Variants in PROM2 observed in about 807,000 individuals in gnomAD.
The protein encoded by PROM2 is prominin 2.
In PROM2, 90 loss-of-function variants were observed where a neutral mutation model predicts 110.2. The ratio of observed to expected loss-of-function variants is 0.82; its 90% CI spans 0.69 to 0.97. The LOEUF (loss-of-function observed/expected upper bound fraction) is 0.97. Among genes scored for constraint, PROM2 ranks in the 50% least tolerant of loss-of-function variants. PROM2 has a pLI of 0.00. For missense variants in PROM2, 1,009 were observed against 1,074.8 expected (o/e 0.94, Z 0.86); for synonymous variants, 470 against 467.8 (o/e 1.00, Z -0.06).
chr2:95,274,645 G>C lies in PROM2; in HGVS notation c.60G>C (p.Leu20=), dbSNP rs201917939. Residue 20 remains leucine, a synonymous_variant, in exon 1 of 24, where the codon CTG becomes CTC. Coordinates refer to ENST00000317620, the MANE Select transcript of PROM2 (RefSeq NM_001165978.3). ...TGGGCCTGGGCCTGGGGCTGGCCCT[G>C]AGTCAGCTGGCTGCAGGGGCCACAG... is the stretch of plus-strand genomic sequence containing the variant. ...PLLGLGLGLA[L]SQLAAGATDC... 3 of 1,609,848 alleles carry C rather than the reference G, an allele frequency of 1.9e-6. No individual in the cohort carries two copies. In the African/African-American group the frequency reaches 4.0e-5, roughly 21 times the overall value.
At position 95,282,016 on chromosome 2, in the gene PROM2, AG is replaced by A; in HGVS notation, c.1643+1del. On this transcript the variant is annotated splice_donor_variant, in intron 13 of 23. Transcript: ENST00000317620. LOFTEE classifies it high-confidence loss of function. Reference sequence around the variant, plus strand: ...AACATCAGCATCCACCAAGCCTATCAGTGAGTGGACAGCCTGGGCAGAGCTG... The same window carrying A: ...AACATCAGCATCCACCAAGCCTATCATGAGTGGACAGCCTGGGCAGAGCTG... 1 of 1,613,992 alleles carries A rather than the reference AG, an allele frequency of 6.2e-7. No individual in the cohort carries two copies. Among genetic ancestry groups the A allele is most frequent in the African/African-American group, 1.3e-5 (1 of 75,028 alleles).
rs766857079 is a variant in PROM2 at position 95,276,082 on chromosome 2, T to C, written c.447T>C (p.Cys149=). Residue 149 remains cysteine, a synonymous_variant, in exon 3 of 24, where the codon TGT becomes TGC. Coordinates refer to ENST00000317620, the MANE Select transcript of PROM2 (RefSeq NM_001165978.3). The surrounding 1 kb of genome is among the most constrained non-coding windows in gnomAD (Gnocchi z 4.6). ...AGACAGAGCACAAGGCGCTGGCCTG[T>C]GAGCGCGCGGCCCTCATGGTCTTCC... ...RVKTEHKALA[C]ERAALMVFLL... The C allele has an allele frequency of 9.9e-6, 16 of 1,611,150 alleles. No individual in the cohort carries two copies. Among genetic ancestry groups the C allele is most frequent in the Middle Eastern group, 1.6e-4 (1 of 6,082 alleles).
chr2:95,276,644 A>C lies in PROM2; in HGVS notation c.669A>C (p.Ser223=). The change falls in exon 5 of 24, where the codon TCA becomes TCC. Residue 223 remains serine, a synonymous_variant. Coordinates refer to ENST00000317620, the MANE Select transcript of PROM2 (RefSeq NM_001165978.3). The surrounding 1 kb of genome is among the most constrained non-coding windows in gnomAD (Gnocchi z 4.6). The stretch of plus-strand genomic sequence containing the variant: ...TCTCCCTGCCCCAGGAGCAAGTCTC[A>C]GAGGAGCTGGATGGTGAGGGTCTCG... ...QQFSLPQEQV[S]EELDGVGVSI... 1 of 1,612,878 alleles carries C rather than the reference A, an allele frequency of 6.2e-7. No individual in the cohort carries two copies. The highest frequency in any genetic ancestry group is 8.5e-7 in the Non-Finnish European group (1 of 1,179,838).
chr2:95,285,710 A>G lies in PROM2; in HGVS notation c.1947A>G (p.Gln649=). 1 of 1,595,994 alleles carries G rather than the reference A, an allele frequency of 6.3e-7. No individual in the cohort carries two copies. Residue 649 remains glutamine, a splice_region_variant and synonymous_variant, in exon 16 of 24, where the codon CAA becomes CAG. Coordinates refer to ENST00000317620, the MANE Select transcript of PROM2 (RefSeq NM_001165978.3). ...AQELQGLAQA[Q]DNSVLGQRLQ... is the part of the protein sequence containing the mutation. Reference sequence around the variant, plus strand: ...AGCTGCAAGGACTGGCCCAGGCCCAAGTGAGTGGGAAACAGGGCCCCGACT... The same window carrying G: ...AGCTGCAAGGACTGGCCCAGGCCCAGGTGAGTGGGAAACAGGGCCCCGACT...
rs775576750 is a variant in PROM2, at chr2:95,282,162, C to T, written c.1664C>T (p.Ala555Val). ...CTCAGGCAGTGCAAGGAAGGGGCAG[C>T]GCTCTGGACAGTCCTGCAGCTCAAC... ...QAYQQCKEGA[A>V]LWTVLQLNDS... The change falls in exon 14 of 24, where the codon GCG (alanine) becomes GTG (valine). Residue 555 changes from alanine (A) to valine (V), a missense_variant. Coordinates refer to ENST00000317620, the MANE Select transcript of PROM2 (RefSeq NM_001165978.3). 1.9e-5 allele frequency: 30 copies of T among 1,613,668 alleles called. No individual in the cohort carries two copies. The highest frequency in any genetic ancestry group is 2.2e-5 in the Non-Finnish European group (26 of 1,179,910).
chr2:95,278,831 C>A (rs1398600350), intron 9 of PROM2, 47 bp downstream of exon 9: 8 of 1,611,804 alleles, frequency 5.0e-6, no homozygotes, highest in Non-Finnish European at 6.8e-6. Context: ...GGCTTCCCAC[C>A]CCACCCCTAC....
chr2:95,285,011 G>A lies in PROM2; in HGVS notation c.1771G>A (p.Asp591Asn), dbSNP rs1198951909. 3 of 1,607,648 alleles carry A rather than the reference G, an allele frequency of 1.9e-6. No individual in the cohort carries two copies. The highest frequency in any genetic ancestry group is 2.5e-6 in the Non-Finnish European group (3 of 1,176,860). ...LRQELQSLKVDTQSLDLLSSA... is the reference protein window; with the variant it reads ...LRQELQSLKVNTQSLDLLSSA... ...GCAGGAGTTGCAGAGCCTGAAAGTA[G>A]ACACACAGAGCCTGGACCTGCTGAG... The change falls in exon 15 of 24, where the codon GAC becomes AAC. Residue 591 changes from aspartate (D) to asparagine (N), a missense_variant. Transcript: ENST00000317620.
In PROM2 at chr2:95,281,009, C is replaced by G. The variant is rs369760414; in HGVS notation, c.1428-233C>G. On this transcript the variant is annotated intron_variant, in intron 11 of 23. Transcript: ENST00000317620. ...TCTCCTCTAGGCTGCCAGGGCCAGCCAGGGAACCAGGAACAGGGTGGGGAT... is the reference window on the plus strand; with the variant it reads ...TCTCCTCTAGGCTGCCAGGGCCAGCGAGGGAACCAGGAACAGGGTGGGGAT... 2.0e-5 allele frequency among the ~76,000 whole-genome samples: 3 copies of G among 152,318 alleles called. No individual in the cohort carries two copies. In the East Asian group the frequency reaches 5.8e-4, roughly 29 times the overall value.
intron 11 of PROM2, 37 bp from the exon 12 acceptor site, chr2:95,281,205 C>T (rs1424145051): frequency 6.2e-7 from 1 of 1,605,030 alleles, no homozygotes; most frequent in South Asian, 1.1e-5. Flanking sequence ...GCAGCCAGTC[C>T]CTGCTGTCCC....
chr2:95,284,517 A>G (rs1447300405), intron 14 of PROM2, among the ~76,000 whole-genome samples: 1 of 152,094 alleles, frequency 6.6e-6, no homozygotes, highest in Non-Finnish European at 1.5e-5. Context: ...AAAAAAAGCA[A>G]TACCTGAGGC....
At chr2:95,274,932 C>A in intron 1 of PROM2, 103 bp downstream of exon 1, 1 of 1,392,384 alleles carries the variant, frequency 7.2e-7, no homozygotes, top group Non-Finnish European at 9.5e-7. Flanking sequence ...CAAGCAGGCA[C>A]TTGCCATCTT....
rs1483158507 is a variant in PROM2 at position 95,289,303 on chromosome 2, G to A, written c.*90G>A. 1.1e-5 allele frequency: 5 copies of A among 457,144 alleles called. No homozygotes were observed. The highest frequency in any genetic ancestry group is 2.0e-5 in the Non-Finnish European group (5 of 247,480). The allele number at this position is 457,144 out of a possible 1,614,324, so 28.3% of individuals were successfully genotyped here. On this transcript the variant is annotated 3_prime_UTR_variant, in exon 24 of 24. Transcript: ENST00000317620. Reference sequence around the variant, plus strand: ...GGACTTCGGTAGCTCTTGCCCCAGAGCCCAGGCTGGCATCCAGGCCTGGAC... The same window carrying A: ...GGACTTCGGTAGCTCTTGCCCCAGAACCCAGGCTGGCATCCAGGCCTGGAC...
In PROM2 at chr2:95,275,731, C is replaced by T; in HGVS notation, c.295-199C>T. ...CAGTGAGGTTTGCAGGGAGCTGGAA[C>T]TTCCTGAACTTCAGCTTCCTCCTGT... On this transcript the variant is annotated intron_variant, in intron 2 of 23. Transcript: ENST00000317620. The surrounding 1 kb of genome is among the most constrained non-coding windows in gnomAD (Gnocchi z 4.4). 2 of 1,447,410 alleles carry T rather than the reference C, an allele frequency of 1.4e-6. No homozygotes were observed. Among genetic ancestry groups the T allele is most frequent in the Admixed American group, 2.5e-5 (1 of 40,104 alleles). 89.7% of individuals were successfully genotyped at this position (1,447,410 alleles called of 1,614,324 possible). A position where few individuals can be genotyped will look rare whatever the true frequency, so the allele number is the denominator to read the frequency against.
Position 95,276,314 on chromosome 2 carries a change from C to G in PROM2, c.585C>G (p.Leu195=). Residue 195 remains leucine, a synonymous_variant, in exon 4 of 24, where the codon CTC becomes CTG. Transcript: ENST00000317620. The surrounding 1 kb of genome is among the most constrained non-coding windows in gnomAD (Gnocchi z 4.6). ...TCGAGGCCATGCCTGAGACCCTGCT[C>G]AGCCTCTGGGGCCTGGTCTCTGATG... The part of the protein sequence containing the change: ...PSIEAMPETL[L]SLWGLVSDVP... The G allele has an allele frequency of 6.2e-7, 1 of 1,613,752 alleles. No individual in the cohort carries two copies. The highest frequency in any genetic ancestry group is 8.5e-7 in the Non-Finnish European group (1 of 1,180,038).
intron 17 of PROM2, 56 bp from the exon 18 acceptor site, chr2:95,286,748 C>G (rs1199844849): frequency 7.7e-6 from 11 of 1,427,374 alleles, no homozygotes; most frequent in Admixed American, 1.7e-5. Flanking sequence ...TTCCTCCCCT[C>G]TCCTCCCTCC....
At position 95,276,783 on chromosome 2, in the gene PROM2, C is replaced by A; in HGVS notation, c.682+126C>A. 1 of 1,215,796 alleles carries A rather than the reference C, an allele frequency of 8.2e-7. No homozygotes were observed. The highest frequency in any genetic ancestry group is 1.2e-6 in the Non-Finnish European group (1 of 846,604). The allele number at this position is 1,215,796 out of a possible 1,614,324, so 75.3% of individuals were successfully genotyped here. On this transcript the variant is annotated intron_variant, in intron 5 of 23. Transcript: ENST00000317620. This position sits in a 1 kb window ranked among gnomAD's most constrained non-coding sequence, Gnocchi z 4.6. ...GGAACAGGCTGGTAGAGGTGGGGAT[C>A]AGGCCGGCTGGAGAGCAAGAGTGGC...
rs1445786481 is a variant in PROM2 at position 95,286,700 on chromosome 2, C to CT, written c.2041-104_2041-103insT. 7.2e-5 allele frequency: 52 copies of CT among 724,370 alleles called. 1 individual carries two copies. The Middle Eastern group carries it at 1.0e-3, about 14-fold the overall frequency. 44.9% of individuals were successfully genotyped at this position (724,370 alleles called of 1,614,324 possible). On this transcript the variant is annotated intron_variant, in intron 17 of 23. Transcript: ENST00000317620. Reference sequence around the variant, plus strand: ...TCTCCCCTCCTCTCCCCTCCTCTCCCCTCCTCTCCCCTCCCCTCCCCTCCA... The same window carrying CT: ...TCTCCCCTCCTCTCCCCTCCTCTCCCTCTCCTCTCCCCTCCCCTCCCCTCCA...
At chr2:95,289,040 G>A in intron 23 of PROM2, 34 bp downstream of exon 23, 1 of 1,318,926 alleles carries the variant, frequency 7.6e-7, no homozygotes, top group Non-Finnish European at 1.1e-6. Context: ...ATTGCTCCCT[G>A]CCAGGGATTA....
intron 14 of PROM2, among the ~76,000 whole-genome samples, chr2:95,283,790 C>CATTCATTA (rs1677186111): frequency 1.3e-5 from 2 of 152,140 alleles, no homozygotes; most frequent in Non-Finnish European, 2.9e-5. Context: ...TTCATTCATT[C>CATTCATTA]ATTCATTCAT....
Sources: allele counts gnomAD v4.1 joint callset (sites outside exome capture counted in the v4.1 genomes callset), GRCh38; gene constraint gnomAD v4.1.1; non-coding constraint Gnocchi (gnomAD v3.1); transcripts MANE v1.5; gene names NCBI Gene and HGNC (gene_info 2026-07-23, HGNC 2026-07-21).